The following LIPG variants were observed in gnomAD, a reference collection of about 807,000 sequenced individuals.
The protein encoded by LIPG is endothelial lipase.
A neutral mutation model predicts 51.8 loss-of-function variants in LIPG; 34 were observed. That is an observed-to-expected ratio of 0.66 (90% CI 0.50 to 0.87). The LOEUF is 0.87. Ranked by LOEUF, LIPG falls within the 40% of genes least tolerant of loss-of-function variation. The probability of loss-of-function intolerance (pLI) is 0.00; values close to 1 mark genes in which losing one functional copy is unlikely to be tolerated. For synonymous variants in LIPG, 246 were observed against 246.1 expected (o/e 1.00, Z 0.00); for missense variants, 580 against 652.7 (o/e 0.89, Z 1.21).
At position 49,591,943 on chromosome 18, in the gene LIPG, C is replaced by G. The variant is rs2084949190; in HGVS notation, c.*1421C>G. 1 of 152,130 alleles carries G rather than the reference C, an allele frequency of 6.6e-6. No individual in the cohort carries two copies. Among genetic ancestry groups the G allele is most frequent in the Non-Finnish European group, 1.5e-5 (1 of 68,032 alleles). The allele number at this position is 152,130 out of a possible 1,614,324, so 9.4% of individuals were successfully genotyped here. ...CCATGAAGACTTTTGCAGCCAGTTC[C>G]CACCAATATGCCCCAGACGTGAGAC... On this transcript the variant is annotated 3_prime_UTR_variant, in exon 10 of 10. Coordinates refer to ENST00000261292, the MANE Select transcript of LIPG (RefSeq NM_006033.4).
chr18:49,571,842 G>A (rs2084667682), intron 4 of LIPG, among the ~76,000 whole-genome samples: 1 of 152,142 alleles, frequency 6.6e-6, no homozygotes, highest in African/African-American at 2.4e-5. Context: ...GTGGATGGGG[G>A]TTTGCTAGAG....
Position 49,567,574 on chromosome 18 carries a change from A to G in LIPG, c.412A>G (p.Thr138Ala), listed in dbSNP as rs1431251685. 6.2e-7 allele frequency: 1 copy of G among 1,613,950 alleles called. No individual in the cohort carries two copies. Among genetic ancestry groups the G allele is most frequent in the Non-Finnish European group, 8.5e-7 (1 of 1,180,030 alleles). Residue 138 changes from threonine (T) to alanine (A), a missense_variant, in exon 3 of 10, where the codon ACC becomes GCC. By Grantham distance (58) the Thr-to-Ala change is moderately conservative (BLOSUM62 0). Coordinates refer to ENST00000261292, the MANE Select transcript of LIPG (RefSeq NM_006033.4). The part of the protein sequence containing the change: ...HQLYTDAVNN[T>A]RVVGHSIARM... ...GCTTTACACGGATGCGGTCAATAAT[A>G]CCAGGGTGGTGGGACACAGCATTGC...
In LIPG at chr18:49,594,831, A is replaced by C. The variant is rs1228424211; in HGVS notation, c.*4309A>C. The C allele has an allele frequency of 6.6e-6, 1 of 152,258 alleles. No homozygotes were observed. The highest frequency in any genetic ancestry group is 6.5e-5 in the Admixed American group (1 of 15,288). 9.4% of individuals were successfully genotyped at this position (152,258 alleles called of 1,614,324 possible). ...CTGTAGGGAGTTGGGTTAGACAATA[A>C]GAGATAAGTTCTTAACTTGGTTCAG... On this transcript the variant is annotated 3_prime_UTR_variant, in exon 10 of 10. Transcript: ENST00000261292.
chr18:49,575,243 C>G, intron 4 of LIPG, 126 bp from the exon 5 acceptor site: 1 of 699,102 alleles, frequency 1.4e-6, no homozygotes, highest in Non-Finnish European at 2.4e-6. Flanking sequence ...CTTTCCATGT[C>G]TTGATTCTCC....
intron 5 of LIPG, among the ~76,000 whole-genome samples, chr18:49,577,595 C>T (rs1418366653): frequency 2.7e-5 from 4 of 148,344 alleles, no homozygotes; most frequent in East Asian, 2.1e-4. Flanking sequence ...TAGGGGCGGC[C>T]GGGCAGAGGC....
At position 49,598,222 on chromosome 18, in the gene LIPG, T is replaced by A. The variant is rs559829411; in HGVS notation, c.*7700T>A. On this transcript the variant is annotated 3_prime_UTR_variant, in exon 10 of 10. Transcript: ENST00000261292. Reference sequence around the variant, plus strand: ...TTTTTAATTTTTTTTGGAGACACGGTATCACTGTGTGGCCCAGGCTGGAGT... The same window carrying A: ...TTTTTAATTTTTTTTGGAGACACGGAATCACTGTGTGGCCCAGGCTGGAGT... 2.0e-5 allele frequency: 3 copies of A among 152,326 alleles called. No homozygotes were observed. In the East Asian group the frequency reaches 5.8e-4, roughly 29 times the overall value. 9.4% of individuals were successfully genotyped at this position (152,326 alleles called of 1,614,324 possible).
rs539836497 is a variant in LIPG at position 49,573,188 on chromosome 18, T to C, written c.572-2181T>C. 6.6e-5 allele frequency among the ~76,000 whole-genome samples: 10 copies of C among 152,328 alleles called. No individual in the cohort carries two copies. In the South Asian group the frequency reaches 1.9e-3, roughly 28 times the overall value. On this transcript the variant is annotated intron_variant, in intron 4 of 9. Transcript: ENST00000261292. ...TCACACCAAGTAAAGAGCCTCTCTCTTGTATTGATTGCAAAGCAGAATGTT... is the reference window on the plus strand; with the variant it reads ...TCACACCAAGTAAAGAGCCTCTCTCCTGTATTGATTGCAAAGCAGAATGTT...
At position 49,582,406 on chromosome 18, in the gene LIPG, A is replaced by G; in HGVS notation, c.1081A>G (p.Met361Val). Reference sequence around the variant, plus strand: ...AATCCATGTCTTCAGTTACAAGAACATGGGAGAAATTGAGCCCACCTTTTA... The same window carrying G: ...AATCCATGTCTTCAGTTACAAGAACGTGGGAGAAATTGAGCCCACCTTTTA... ...MKIHVFSYKN[M>V]GEIEPTFYVT... The change falls in exon 7 of 10, where the codon ATG (methionine) becomes GTG (valine). Residue 361 changes from methionine to valine, a missense_variant. Met to Val is a conservative substitution (Grantham distance 21). Transcript: ENST00000261292. 2 of 1,614,140 alleles carry G rather than the reference A, an allele frequency of 1.2e-6. No homozygotes were observed. The highest frequency in any genetic ancestry group is 1.7e-6 in the Non-Finnish European group (2 of 1,179,968).
chr18:49,574,690 C>T (rs2084697456), intron 4 of LIPG, among the ~76,000 whole-genome samples: 1 of 152,124 alleles, frequency 6.6e-6, no homozygotes, highest in Non-Finnish European at 1.5e-5. Context: ...GTGCTCTCAA[C>T]AGTGCTGCTT....
At position 49,569,421 on chromosome 18, in the gene LIPG, T is replaced by A; in HGVS notation, c.460-16T>A. The A allele has an allele frequency of 6.2e-7, 1 of 1,609,328 alleles. No homozygotes were observed. The highest frequency in any genetic ancestry group is 8.5e-7 in the Non-Finnish European group (1 of 1,175,608). On this transcript the variant is annotated splice_polypyrimidine_tract_variant and intron_variant, in intron 3 of 9. Coordinates refer to ENST00000261292, the MANE Select transcript of LIPG (RefSeq NM_006033.4). ...ACCCTGCTCTTCTGCTCACATACTT[T>A]GGTGACTTTCTATAGGAGAAGGACG...
At chr18:49,569,330 G>A (rs2084638904) in intron 3 of LIPG, 107 bp from the exon 4 acceptor site, 8 of 910,862 alleles carry the variant, frequency 8.8e-6, no homozygotes, top group African/African-American at 4.9e-5. Context: ...CTGTGCCCAC[G>A]GCCCCTGCAT....
At chr18:49,579,000 T>C (rs1225281441) in intron 5 of LIPG, among the ~76,000 whole-genome samples, 8 of 73,866 alleles carry the variant, frequency 1.1e-4, no homozygotes, top group African/African-American at 4.4e-4. Context: ...AGGGAGACCG[T>C]GGGGAGAGGG....
rs1297755894 is a variant in LIPG, at chr18:49,592,997, C to T, written c.*2475C>T. 1 of 129,914 alleles carries T rather than the reference C, an allele frequency of 7.7e-6. No individual in the cohort carries two copies. The highest frequency in any genetic ancestry group is 1.5e-5 in the Non-Finnish European group (1 of 65,010). The allele number at this position is 129,914 out of a possible 1,614,324, so 8.0% of individuals were successfully genotyped here. ...ACCCAGGCTGGAGTGCAGTGGCAAT[C>T]TTGGCTCACTACAACCTCTGCCTCC... is the stretch of plus-strand genomic sequence containing the variant. On this transcript the variant is annotated 3_prime_UTR_variant, in exon 10 of 10. Coordinates refer to ENST00000261292, the MANE Select transcript of LIPG (RefSeq NM_006033.4).
At position 49,562,134 on chromosome 18, in the gene LIPG, C is replaced by G; in HGVS notation, c.-175C>G. The G allele has an allele frequency of 6.8e-7, 1 of 1,464,902 alleles. No individual in the cohort carries two copies. The highest frequency in any genetic ancestry group is 9.0e-7 in the Non-Finnish European group (1 of 1,115,170). The allele number at this position is 1,464,902 out of a possible 1,614,324, so 90.7% of individuals were successfully genotyped here. ...GGGGCAAGCCGTTGACACTCGCTCC[C>G]TGCCACCGCCCGGGCTCCGTGCCGC... On this transcript the variant is annotated 5_prime_UTR_variant, in exon 1 of 10. Coordinates refer to ENST00000261292, the MANE Select transcript of LIPG (RefSeq NM_006033.4).
Position 49,569,509 on chromosome 18 carries a change from G to A in LIPG, c.532G>A (p.Ala178Thr), listed in dbSNP as rs2084641353. 1 of 1,614,090 alleles carries A rather than the reference G, an allele frequency of 6.2e-7. No homozygotes were observed. The highest frequency in any genetic ancestry group is 8.5e-7 in the Non-Finnish European group (1 of 1,180,052). The change falls in exon 4 of 10, where the codon GCA becomes ACA. Residue 178 changes from alanine (A) to threonine (T), a missense_variant. Coordinates refer to ENST00000261292, the MANE Select transcript of LIPG (RefSeq NM_006033.4). ...YSLGAHVAGYAGNFVKGTVGR... is the reference protein window; with the variant it reads ...YSLGAHVAGYTGNFVKGTVGR... ...CCTCGGAGCGCACGTGGCCGGGTATGCAGGCAACTTCGTGAAAGGAACGGT... is the reference window on the plus strand; with the variant it reads ...CCTCGGAGCGCACGTGGCCGGGTATACAGGCAACTTCGTGAAAGGAACGGT...
chr18:49,574,463 C>G (rs2084694509), intron 4 of LIPG, among the ~76,000 whole-genome samples: 1 of 152,152 alleles, frequency 6.6e-6, no homozygotes, highest in Admixed American at 6.6e-5. Context: ...TTTGCAAGTT[C>G]TCTTTTGGAA....
Position 49,591,019 on chromosome 18 carries a change from C to T in LIPG, c.*497C>T. 4.0e-6 allele frequency: 1 copy of T among 249,826 alleles called. No individual in the cohort carries two copies. The allele number at this position is 249,826 out of a possible 1,614,324, so 15.5% of individuals were successfully genotyped here. A position where few individuals can be genotyped will look rare whatever the true frequency, so the allele number is the denominator to read the frequency against. On this transcript the variant is annotated 3_prime_UTR_variant, in exon 10 of 10. Transcript: ENST00000261292. ...CTCGGGCCCTAGCTGTTGGGGTTCT[C>T]ATGGGTTGCACTGACCATACTGCTT...
In LIPG at chr18:49,587,568, C is replaced by CAAAAAA. The variant is rs34734805; in HGVS notation, c.1481+739_1481+744dup. ...TGGGTGACAGAGTGAGACTCCGTCT[C>CAAAAAA]AAAAAAAAAAAAAAAAAAAAAAAAA... On this transcript the variant is annotated intron_variant, in intron 9 of 9. Transcript: ENST00000261292. Among the ~76,000 whole-genome samples the CAAAAAA allele has an allele frequency of 6.6e-4, 28 of 42,304 alleles. 1 individual carries two copies. Among genetic ancestry groups the CAAAAAA allele is most frequent in the African/African-American group, 1.8e-3 (23 of 12,626 alleles). 27.8% of individuals were successfully genotyped at this position (42,304 alleles called of 152,430 possible).
At chr18:49,576,989 T>C (rs1471924940) in intron 5 of LIPG, among the ~76,000 whole-genome samples, 4 of 152,236 alleles carry the variant, frequency 2.6e-5, no homozygotes, top group African/African-American at 9.6e-5. Context: ...TTCCATAGCA[T>C]GGATACACTC....
Sources: allele counts gnomAD v4.1 joint callset (sites outside exome capture counted in the v4.1 genomes callset), GRCh38; gene constraint gnomAD v4.1.1; transcripts MANE v1.5; gene names NCBI Gene and HGNC (gene_info 2026-07-23, HGNC 2026-07-21).